Variants in GATAD2B observed in about 807,000 individuals in gnomAD.
GATAD2B encodes the protein GATA zinc finger domain containing 2B.
A neutral mutation model predicts 64.3 loss-of-function variants in GATAD2B; 8 were observed. The observed-to-expected ratio is 0.12, with a 90% CI of 0.07 to 0.22. The LOEUF (loss-of-function observed/expected upper bound fraction) is 0.22. GATAD2B is among the 10% of genes least tolerant of loss of function. GATAD2B has a pLI of 1.00. For synonymous variants in GATAD2B, 281 were observed against 271.3 expected, an observed-to-expected ratio of 1.04 and a Z score of -0.35; for missense variants, 453 against 752.0, an observed-to-expected ratio of 0.60 and a Z score of 4.65.
chr1:153,876,034 G>A (rs1046411136), intron 1 of GATAD2B, among the ~76,000 whole-genome samples: 4 of 151,484 alleles, frequency 2.6e-5, no homozygotes, highest in South Asian at 2.1e-4. Flanking sequence ...CCAGATCAGC[G>A]TGGCCAATAT....
intron 1 of GATAD2B, among the ~76,000 whole-genome samples, chr1:153,890,087 AC>A (rs1349956740): frequency 6.6e-6 from 1 of 150,648 alleles, no homozygotes; most frequent in East Asian, 1.9e-4. Context: ...CAGAAGAATC[AC>A]TTAAACCCGG....
At chr1:153,824,807 G>A (rs1049060956) in intron 2 of GATAD2B, among the ~76,000 whole-genome samples, 3 of 151,680 alleles carry the variant, frequency 2.0e-5, no homozygotes, top group Non-Finnish European at 2.9e-5. Flanking sequence ...TGTTGGGCCC[G>A]GCATGGTGGC....
intron 1 of GATAD2B, among the ~76,000 whole-genome samples, chr1:153,835,165 A>G (rs1193574889): frequency 6.6e-6 from 1 of 152,128 alleles, no homozygotes; most frequent in Admixed American, 6.6e-5. Context: ...GTTGCTTCTT[A>G]TGGATGAGCA....
At position 153,806,840 on chromosome 1, in the gene GATAD2B, G is replaced by A. The variant is rs917365571; in HGVS notation, c.*3337C>T. 3 of 151,996 alleles carry A rather than the reference G, an allele frequency of 2.0e-5. No homozygotes were observed. Among genetic ancestry groups the A allele is most frequent in the Non-Finnish European group, 2.9e-5 (2 of 67,908 alleles). The allele number at this position is 151,996 out of a possible 1,614,324, so 9.4% of individuals were successfully genotyped here. Reference sequence around the variant, plus strand: ...GAGAAAAGGGAATGATTAGGGAAAAGGAACAAAAGTAAAATATCAAGAAGC... The same window carrying A: ...GAGAAAAGGGAATGATTAGGGAAAAAGAACAAAAGTAAAATATCAAGAAGC... On this transcript the variant is annotated 3_prime_UTR_variant, in exon 11 of 11. Transcript: ENST00000368655.
chr1:153,872,316 CAAAAAAAAAA>C (rs779386978), intron 1 of GATAD2B, among the ~76,000 whole-genome samples: 1 of 58,704 alleles, frequency 1.7e-5, no homozygotes, highest in African/African-American at 6.0e-5. Context: ...ACTCTGTCTC[CAAAAAAAAAA>C]AAAAAAAAAA....
chr1:153,812,733 G>A (rs1194151994), intron 8 of GATAD2B, among the ~76,000 whole-genome samples: 1 of 152,142 alleles, frequency 6.6e-6, no homozygotes, highest in South Asian at 2.1e-4. Context: ...ACTCTGATGG[G>A]TGGAGTGGGA....
chr1:153,871,026 G>A (rs1200530578), intron 1 of GATAD2B, among the ~76,000 whole-genome samples: 1 of 151,442 alleles, frequency 6.6e-6, no homozygotes, highest in Non-Finnish European at 1.5e-5. Flanking sequence ...AGCCTCTGGA[G>A]TAGCTGGGAT....
rs1277908324 is a variant in GATAD2B at position 153,810,128 on chromosome 1, G to C, written c.*49C>G. ...CGACAGAAGTTGGGGGAATGAAAGA[G>C]GAAAGGGATAAAGGATTCAAGGATG... On this transcript the variant is annotated 3_prime_UTR_variant, in exon 11 of 11. Coordinates refer to ENST00000368655, the MANE Select transcript of GATAD2B (RefSeq NM_020699.4). 1 of 1,558,126 alleles carries C rather than the reference G, an allele frequency of 6.4e-7. No individual in the cohort carries two copies. Among genetic ancestry groups the C allele is most frequent in the East Asian group, 2.4e-5 (1 of 42,272 alleles).
intron 1 of GATAD2B, among the ~76,000 whole-genome samples, chr1:153,915,424 A>G (rs1480930100): frequency 6.6e-6 from 1 of 152,114 alleles, no homozygotes; most frequent in Non-Finnish European, 1.5e-5. Flanking sequence ...CTCTATCCCA[A>G]AAAATAAATA....
intron 1 of GATAD2B, among the ~76,000 whole-genome samples, chr1:153,922,384 G>A (rs1009105603): frequency 1.2e-4 from 18 of 151,234 alleles, no homozygotes; most frequent in Non-Finnish European, 1.9e-4. Context: ...GGGAAACGGG[G>A]CGTGAGGGAG....
chr1:153,866,635 G>A, intron 1 of GATAD2B, among the ~76,000 whole-genome samples: 1 of 152,066 alleles, frequency 6.6e-6, no homozygotes, highest in East Asian at 1.9e-4. Flanking sequence ...CTCCATTTCA[G>A]TTTCCTAATG....
chr1:153,839,952 C>A (rs564033351), intron 1 of GATAD2B, among the ~76,000 whole-genome samples: 20 of 150,816 alleles, frequency 1.3e-4, no homozygotes, highest in Admixed American at 1.2e-3. Flanking sequence ...CTAGACCTGG[C>A]GACAAAGCGA....
At chr1:153,913,879 C>T (rs1678175878) in intron 1 of GATAD2B, among the ~76,000 whole-genome samples, 1 of 148,270 alleles carries the variant, frequency 6.7e-6, no homozygotes, top group South Asian at 2.1e-4. Context: ...GAGATCGTGC[C>T]ACTGCACTCC....
intron 1 of GATAD2B, among the ~76,000 whole-genome samples, chr1:153,882,641 A>G (rs1395710407): frequency 2.0e-5 from 3 of 152,218 alleles, no homozygotes; most frequent in African/African-American, 7.2e-5. Context: ...CAGCCATAGT[A>G]TGATTGCAAT....
At chr1:153,895,109 G>T (rs1677546496) in intron 1 of GATAD2B, among the ~76,000 whole-genome samples, 1 of 152,054 alleles carries the variant, frequency 6.6e-6, no homozygotes, top group South Asian at 2.1e-4. Flanking sequence ...GGTGAACCAA[G>T]ATCACATCAT....
chr1:153,816,608 C>T lies in GATAD2B; in HGVS notation c.901-20G>A, dbSNP rs761380105. ...TGACTGCTGAAATAGATTGAGAATG[C>T]GGTCAATCATGGTATGCAGGAGAAA... On this transcript the variant is annotated intron_variant, in intron 6 of 10. Coordinates refer to ENST00000368655, the MANE Select transcript of GATAD2B (RefSeq NM_020699.4). The surrounding 1 kb of genome is among the most constrained non-coding windows in gnomAD (Gnocchi z 4.9). 7.7e-6 allele frequency: 12 copies of T among 1,551,818 alleles called. No individual in the cohort carries two copies. The highest frequency in any genetic ancestry group is 4.5e-5 in the East Asian group (2 of 44,422).
intron 1 of GATAD2B, among the ~76,000 whole-genome samples, chr1:153,919,871 G>C (rs1347200435): frequency 6.6e-6 from 1 of 152,192 alleles, no homozygotes; most frequent in African/African-American, 2.4e-5. Context: ...TAATAATGCA[G>C]GGCTTTAAGT....
At position 153,857,157 on chromosome 1, in the gene GATAD2B, T is replaced by A. The variant is rs4845577; in HGVS notation, c.-1-28809A>T. On this transcript the variant is annotated intron_variant, in intron 1 of 10. Transcript: ENST00000368655. ...ATATGCATATATATATATATATATATAAATTGGCCGGGCGCAGTGGCTCAC... is the reference window on the plus strand; with the variant it reads ...ATATGCATATATATATATATATATAAAAATTGGCCGGGCGCAGTGGCTCAC... Among the ~76,000 whole-genome samples the A allele has an allele frequency of 7.5e-3, 571 of 76,272 alleles. 5 individuals are homozygous for A. The highest frequency in any genetic ancestry group is 0.019 in the South Asian group (42 of 2,244). The allele number at this position is 76,272 out of a possible 152,430, so 50.0% of individuals were successfully genotyped here.
intron 1 of GATAD2B, among the ~76,000 whole-genome samples, chr1:153,840,023 TTTC>T (rs1434326496): frequency 5.4e-5 from 8 of 148,724 alleles, no homozygotes; most frequent in African/African-American, 1.5e-4. Flanking sequence ...ATGAAAATAC[TTTC>T]TTTTTTTTTT....
Sources: gnomAD v4.1 joint callset for allele counts (sites outside exome capture counted in the v4.1 genomes callset) on GRCh38, gnomAD v4.1.1 for gene constraint, Gnocchi (gnomAD v3.1) non-coding constraint, MANE v1.5 for transcripts, NCBI Gene and HGNC (gene_info 2026-07-23, HGNC 2026-07-21) for gene names.